Variants in TBC1D5 observed in about 807,000 individuals in gnomAD.
TBC1D5 encodes TBC1 domain family, member 5.
In TBC1D5, 75 loss-of-function variants were observed where a neutral mutation model predicts 100.3. The observed-to-expected ratio is 0.75, with a 90% CI of 0.62 to 0.91. TBC1D5 has a LOEUF of 0.91. Ranked by LOEUF, TBC1D5 falls within the 40% of genes least tolerant of loss-of-function variation. The probability of loss-of-function intolerance (pLI) is 0.00; values close to 1 mark genes in which losing one functional copy is unlikely to be tolerated. For synonymous variants in TBC1D5, 323 were observed against 325.6 expected, an observed-to-expected ratio of 0.99 and a Z score of 0.09; for missense variants, 910 against 942.4, an observed-to-expected ratio of 0.97 and a Z score of 0.45.
chr3:17,701,749 A>G (rs2073241543), intron 1 of TBC1D5, among the ~76,000 whole-genome samples: 1 of 152,194 alleles, frequency 6.6e-6, no homozygotes, highest in African/African-American at 2.4e-5. Flanking sequence ...GAAAAAACTG[A>G]GAGTAAAGAT....
At chr3:17,292,173 A>G (rs2081826687) in intron 14 of TBC1D5, among the ~76,000 whole-genome samples, 172 bp from the exon 15 acceptor site, 1 of 152,254 alleles carries the variant, frequency 6.6e-6, no homozygotes. Context: ...TTGAAGGAAC[A>G]CATTGTATTG....
At chr3:17,736,043 C>CCT (rs1365651665) in intron 1 of TBC1D5, among the ~76,000 whole-genome samples, 1 of 152,174 alleles carries the variant, frequency 6.6e-6, no homozygotes, top group Non-Finnish European at 1.5e-5. Context: ...TTCTTTACCT[C>CCT]CTGCTTTAGA....
chr3:17,463,081 AAAT>A (rs1435839901), intron 3 of TBC1D5, among the ~76,000 whole-genome samples: 1 of 152,158 alleles, frequency 6.6e-6, no homozygotes, highest in East Asian at 1.9e-4. Context: ...CAAAAACAAA[AAAT>A]AATGTTAAAA....
chr3:17,254,922 A>G (rs1361551733), intron 16 of TBC1D5, among the ~76,000 whole-genome samples: 4 of 152,200 alleles, frequency 2.6e-5, no homozygotes, highest in Non-Finnish European at 5.9e-5. Context: ...TGGGCATAAC[A>G]GGCATGTGAG....
In TBC1D5 at chr3:17,178,066, C is replaced by CTTTT. The variant is rs34673889; in HGVS notation, c.1852+7039_1852+7042dup. On this transcript the variant is annotated intron_variant, in intron 19 of 21. Transcript: ENST00000253692. ...TTCTTTTTATGGCTGAATAGTGCTC[C>CTTTT]TTTTTTTTTTTTTTTTTGAGATGGA... Among the ~76,000 whole-genome samples, 57 of 130,060 alleles carry CTTTT rather than the reference C, an allele frequency of 4.4e-4. 1 individual carries two copies. The highest frequency in any genetic ancestry group is 1.1e-3 in the African/African-American group (37 of 33,850). 85.3% of individuals were successfully genotyped at this position (130,060 alleles called of 152,430 possible).
intron 1 of TBC1D5, among the ~76,000 whole-genome samples, chr3:17,681,667 T>A (rs1458777835): frequency 6.6e-6 from 1 of 151,470 alleles, no homozygotes; most frequent in Non-Finnish European, 1.5e-5. Context: ...AATTATAAAT[T>A]CTAAAGGCAT....
intron 1 of TBC1D5, chr3:17,662,898 G>A (rs562734627): frequency 6.6e-6 from 1 of 152,190 alleles, no homozygotes; most frequent in East Asian, 1.9e-4. Context: ...ACATATACTT[G>A]TATGTGTTTA....
intron 3 of TBC1D5, among the ~76,000 whole-genome samples, chr3:17,487,873 T>A (rs2095590017): frequency 6.6e-6 from 1 of 152,138 alleles, no homozygotes; most frequent in African/African-American, 2.4e-5. Context: ...TGAACAAAAG[T>A]ACAGTAAAGA....
rs1034246214 is a variant in TBC1D5, at chr3:17,336,819, C to T, written c.996-28685G>A. Among the ~76,000 whole-genome samples the T allele has an allele frequency of 2.6e-5, 4 of 152,052 alleles. No homozygotes were observed. The South Asian group carries it at 8.3e-4, about 31-fold the overall frequency. ...ATATTAGGTGAATAAATAGTACTGT[C>T]TTCCACATTTGACTTCACAAGAAAG... On this transcript the variant is annotated intron_variant, in intron 13 of 21. Coordinates refer to ENST00000253692, the Ensembl canonical transcript of TBC1D5.
rs566786860 is a variant in TBC1D5, at chr3:17,439,454, C to G, written c.98-10935G>C. The stretch of plus-strand genomic sequence containing the variant: ...ATAAAGAAGTGAAGGCATATATTCT[C>G]AAAAATATCTTTAGTCTTATAAAAG... On this transcript the variant is annotated intron_variant, in intron 3 of 21. Transcript: ENST00000253692. Among the ~76,000 whole-genome samples the G allele has an allele frequency of 9.2e-5, 14 of 152,146 alleles. 1 individual carries two copies. The highest frequency in any genetic ancestry group is 3.4e-4 in the African/African-American group (14 of 41,518).
chr3:17,238,282 G>A (rs1015581575), exon 17 of TBC1D5: 1 of 1,613,918 alleles, frequency 6.2e-7, no homozygotes, highest in Non-Finnish European at 8.5e-7. Flanking sequence ...AACAGAGGAG[G>A]AGCTACTGCT....
chr3:17,192,045 A>G (rs1348005589), intron 18 of TBC1D5, among the ~76,000 whole-genome samples: 2 of 152,124 alleles, frequency 1.3e-5, no homozygotes, highest in Non-Finnish European at 2.9e-5. Flanking sequence ...AAATATATAT[A>G]TATGCATAGA....
intron 2 of TBC1D5, among the ~76,000 whole-genome samples, chr3:17,513,276 G>A (rs1173195436): frequency 6.6e-6 from 1 of 151,242 alleles, no homozygotes; most frequent in East Asian, 1.9e-4. Flanking sequence ...AGGTTGCAGT[G>A]AGCCAAGATC....
chr3:17,365,364 C>T (rs1048116400), intron 13 of TBC1D5, among the ~76,000 whole-genome samples: 3 of 152,154 alleles, frequency 2.0e-5, no homozygotes, highest in African/African-American at 7.2e-5. Flanking sequence ...TGCTAAAATA[C>T]ATGGTCACTT....
At chr3:17,323,847 C>T (rs1575333158) in intron 13 of TBC1D5, among the ~76,000 whole-genome samples, 1 of 151,984 alleles carries the variant, frequency 6.6e-6, no homozygotes, top group Non-Finnish European at 1.5e-5. Context: ...AATTGAAGAG[C>T]AAAGGACTAA....
intron 13 of TBC1D5, among the ~76,000 whole-genome samples, chr3:17,308,457 T>A (rs1200093139): frequency 6.6e-6 from 1 of 152,084 alleles, no homozygotes. Context: ...GGTAGTTGCT[T>A]CCATAGGTAA....
intron 1 of TBC1D5, chr3:17,662,969 A>G (rs1191031638): frequency 6.6e-6 from 1 of 152,198 alleles, no homozygotes; most frequent in Non-Finnish European, 1.5e-5. Context: ...GGGCAAAAAA[A>G]TGGAATGAAC....
rs115426186 is a variant in TBC1D5, at chr3:17,584,611, G to A, written c.-36+39238C>T. Among the ~76,000 whole-genome samples the A allele has an allele frequency of 2.8e-3, 430 of 152,110 alleles. 1 individual carries two copies. Among genetic ancestry groups the A allele is most frequent in the African/African-American group, 9.4e-3 (391 of 41,468 alleles). On this transcript the variant is annotated intron_variant, in intron 2 of 21. Coordinates refer to ENST00000253692, the Ensembl canonical transcript of TBC1D5. ...TGTAATAAACTTCATTTTTTAAATG[G>A]TGTATCAGTTCATCTCTGTATGACA...
intron 17 of TBC1D5, among the ~76,000 whole-genome samples, chr3:17,227,852 G>GT (rs34995201): frequency 0.027 from 3,714 of 139,010 alleles, 100 homozygotes; most frequent in African/African-American, 0.077. Context: ...TAAAATAAAA[G>GT]TTTTTTTTTT....
Sources: allele counts gnomAD v4.1 joint callset (sites outside exome capture counted in the v4.1 genomes callset), GRCh38; gene constraint gnomAD v4.1.1; transcripts MANE v1.5; gene names NCBI Gene and HGNC (gene_info 2026-07-23, HGNC 2026-07-21).